The following SH3GL3 variants were observed in gnomAD, a reference collection of about 807,000 sequenced individuals.
SH3GL3 encodes endophilin-A3.
A neutral mutation model predicts 47.7 loss-of-function variants in SH3GL3; 33 were observed. The observed-to-expected ratio is 0.69, with a 90% CI of 0.52 to 0.92. The LOEUF is 0.92. Ranked by LOEUF, SH3GL3 falls within the 40% of genes least tolerant of loss-of-function variation. The probability of loss-of-function intolerance (pLI) is 0.00; values close to 1 mark genes in which losing one functional copy is unlikely to be tolerated. For missense variants in SH3GL3, 363 were observed against 417.8 expected, an observed-to-expected ratio of 0.87 and a Z score of 1.14; for synonymous variants, 155 against 148.8, an observed-to-expected ratio of 1.04 and a Z score of -0.30.
chr15:83,630,629 C>T, the SH3GL3 span, among the ~76,000 whole-genome samples: 1 of 152,026 alleles, frequency 6.6e-6, no homozygotes, highest in Non-Finnish European at 1.5e-5. Flanking sequence ...AGGGAGAAAC[C>T]CCTTATAAAA....
At chr15:83,632,402 T>C in the SH3GL3 span, among the ~76,000 whole-genome samples, 4 of 152,356 alleles carry the variant, frequency 2.6e-5, no homozygotes, top group East Asian at 5.8e-4. Context: ...CATCATTAGA[T>C]AGCTTGCCCT....
chr15:83,510,351 T>G (rs962020371), intron 1 of SH3GL3, among the ~76,000 whole-genome samples: 27 of 152,186 alleles, frequency 1.8e-4, no homozygotes, highest in African/African-American at 6.5e-4. Flanking sequence ...GAATTTTAAA[T>G]TAAGCTGATG....
intron 1 of SH3GL3, among the ~76,000 whole-genome samples, chr15:83,531,352 C>G (rs1264130095): frequency 2.0e-5 from 3 of 152,162 alleles, no homozygotes; most frequent in African/African-American, 7.2e-5. Context: ...CCAACTAGGT[C>G]TGAGGAGTCC....
intron 6 of SH3GL3, among the ~76,000 whole-genome samples, chr15:83,585,190 C>A (rs2059924783): frequency 2.0e-5 from 3 of 152,176 alleles, no homozygotes; most frequent in Non-Finnish European, 4.4e-5. Context: ...TAGGTGCAAG[C>A]ATTGGGCAGT....
At chr15:83,535,875 G>A (rs142706848) in intron 1 of SH3GL3, among the ~76,000 whole-genome samples, 1 of 152,264 alleles carries the variant, frequency 6.6e-6, no homozygotes, top group Non-Finnish European at 1.5e-5. Context: ...TCTGTCAACT[G>A]TAATTGAAAA....
At chr15:83,601,052 T>G (rs1359749076) in intron 8 of SH3GL3, among the ~76,000 whole-genome samples, 1 of 152,220 alleles carries the variant, frequency 6.6e-6, no homozygotes, top group Non-Finnish European at 1.5e-5. Context: ...TCCTGAAACT[T>G]TGCTGAATTC....
chr15:83,599,817 A>G (rs1372064315), intron 8 of SH3GL3, among the ~76,000 whole-genome samples: 1 of 152,228 alleles, frequency 6.6e-6, no homozygotes, highest in Non-Finnish European at 1.5e-5. Context: ...CCAGCAGTGT[A>G]GAAATGTTCC....
chr15:83,567,985 CTT>C (rs1405083019), intron 3 of SH3GL3, among the ~76,000 whole-genome samples: 17 of 136,070 alleles, frequency 1.2e-4, no homozygotes, highest in Non-Finnish European at 1.4e-4. Flanking sequence ...TTCTTTCTTT[CTT>C]TTTTTTTTTT....
chr15:83,606,930 A>C (rs1596342483), intron 8 of SH3GL3, among the ~76,000 whole-genome samples: 1 of 152,238 alleles, frequency 6.6e-6, no homozygotes, highest in East Asian at 1.9e-4. Flanking sequence ...AAATGTTTTA[A>C]AAATTAAAGT....
At chr15:83,610,363 C>A (rs752054276) in intron 8 of SH3GL3, among the ~76,000 whole-genome samples, 1 of 152,054 alleles carries the variant, frequency 6.6e-6, no homozygotes, top group South Asian at 2.1e-4. Flanking sequence ...ATAGTGAGAC[C>A]CCACCTCTAT....
At chr15:83,616,282 T>TC (rs2060812060) in intron 8 of SH3GL3, among the ~76,000 whole-genome samples, 1 of 140,800 alleles carries the variant, frequency 7.1e-6, no homozygotes, top group Non-Finnish European at 1.5e-5. Flanking sequence ...AGATGGAGTC[T>TC]TGCTCTGTCC....
intron 1 of SH3GL3, among the ~76,000 whole-genome samples, chr15:83,450,784 G>A (rs1430516137): frequency 8.1e-5 from 2 of 24,626 alleles, no homozygotes; most frequent in African/African-American, 1.8e-4. Context: ...TAAGGTTATA[G>A]ATTTTCTTTT....
Position 83,572,583 on chromosome 15 carries a change from T to C in SH3GL3, c.350T>C (p.Val117Ala), listed in dbSNP as rs1249560699. ...DSTFGNALIE[V>A]GESMKLMAEV... The stretch of plus-strand genomic sequence containing the variant: ...ATTCAAGGCAATGCATTGATAGAAG[T>C]TGGTGAATCCATGAAGCTAATGGCT... Residue 117 changes from valine to alanine, a missense_variant, in exon 5 of 9, where the codon GTT becomes GCT. Transcript: ENST00000427482. 6.2e-7 allele frequency: 1 copy of C among 1,613,114 alleles called. No homozygotes were observed. The highest frequency in any genetic ancestry group is 2.2e-5 in the East Asian group (1 of 44,866).
intron 1 of SH3GL3, among the ~76,000 whole-genome samples, chr15:83,496,301 A>T (rs189044153): frequency 1.3e-5 from 2 of 150,610 alleles, no homozygotes; most frequent in Admixed American, 6.6e-5. Context: ...GGAGGTTGCA[A>T]TGAGCTGAGA....
chr15:83,606,328 A>T (rs925837711), intron 8 of SH3GL3, among the ~76,000 whole-genome samples: 1 of 152,208 alleles, frequency 6.6e-6, no homozygotes, highest in Non-Finnish European at 1.5e-5. Flanking sequence ...CTAGAGCCTA[A>T]ATCCTTCCCC....
intron 8 of SH3GL3, among the ~76,000 whole-genome samples, chr15:83,590,023 TAGTG>T (rs1410777700): frequency 6.6e-6 from 1 of 152,228 alleles, no homozygotes; most frequent in Non-Finnish European, 1.5e-5. Context: ...TCATGATTAT[TAGTG>T]AGGGTGAACT....
At chr15:83,624,152 C>T in the SH3GL3 span, among the ~76,000 whole-genome samples, 1 of 152,188 alleles carries the variant, frequency 6.6e-6, no homozygotes, top group Non-Finnish European at 1.5e-5. Context: ...TGCTTAGCTT[C>T]AAATTGGTAT....
At chr15:83,615,090 C>T (rs529473524) in intron 8 of SH3GL3, among the ~76,000 whole-genome samples, 59 of 146,188 alleles carry the variant, frequency 4.0e-4, no homozygotes, top group African/African-American at 1.5e-3. Context: ...AATAGGATGG[C>T]AAAAGTCACT....
At chr15:83,474,616 C>G (rs1480925820) in intron 1 of SH3GL3, among the ~76,000 whole-genome samples, 1 of 151,978 alleles carries the variant, frequency 6.6e-6, no homozygotes, top group African/African-American at 2.4e-5. Context: ...ATGTTACCTG[C>G]TCACCCATAG....
Sources: gnomAD v4.1 joint callset for allele counts (sites outside exome capture counted in the v4.1 genomes callset) on GRCh38, gnomAD v4.1.1 for gene constraint, MANE v1.5 for transcripts, NCBI Gene and HGNC (gene_info 2026-07-23, HGNC 2026-07-21) for gene names.